Variants in PCDHGA6 observed in about 807,000 individuals in gnomAD.
PCDHGA6 encodes protocadherin gamma subfamily A, 6, also known as protocadherin gamma-A6.
PCDHGA6 carries 41 observed loss-of-function variants against 60.6 expected under a neutral mutation model. The observed-to-expected ratio is 0.68, with a 90% CI of 0.53 to 0.88. The LOEUF (loss-of-function observed/expected upper bound fraction) is 0.88, where lower values mean the gene tolerates loss of function less well. Among genes scored for constraint, PCDHGA6 ranks in the 40% least tolerant of loss-of-function variants. The probability of loss-of-function intolerance (pLI) is 0.00; values close to 1 mark genes in which losing one functional copy is unlikely to be tolerated. For missense variants in PCDHGA6, 1,312 were observed against 1,203.0 expected (o/e 1.09, Z -1.34); for synonymous variants, 594 against 524.4 (o/e 1.13, Z -1.81).
intron 1 of PCDHGA6, chr5:141,382,974 A>G: frequency 6.2e-7 from 1 of 1,610,398 alleles, no homozygotes; most frequent in Non-Finnish European, 8.5e-7. Flanking sequence ...CCCCCTGGGA[A>G]GCCTGGGCAG....
In PCDHGA6 at chr5:141,476,466, A is replaced by C. The variant is rs771760524; in HGVS notation, c.2425-18341A>C. The C allele has an allele frequency of 6.2e-7, 1 of 1,613,996 alleles. No individual in the cohort carries two copies. Reference sequence around the variant, plus strand: ...GAGTTGGTAGTGGAGAACCCGCTGGAGCTGTTCAGCGTGGAAGTGGTGATC... The same window carrying C: ...GAGTTGGTAGTGGAGAACCCGCTGGCGCTGTTCAGCGTGGAAGTGGTGATC... On this transcript the variant is annotated intron_variant, in intron 1 of 3. Transcript: ENST00000517434. This position sits in a 1 kb window ranked among gnomAD's most constrained non-coding sequence, Gnocchi z 7.6.
chr5:141,501,030 A>G (rs2099805050), intron 2 of PCDHGA6, among the ~76,000 whole-genome samples: 1 of 151,848 alleles, frequency 6.6e-6, no homozygotes, highest in Admixed American at 6.6e-5. Flanking sequence ...CACCACGCCC[A>G]GCTAATTTTT....
At chr5:141,503,814 T>C (rs539980053) in intron 2 of PCDHGA6, among the ~76,000 whole-genome samples, 2 of 152,100 alleles carry the variant, frequency 1.3e-5, no homozygotes, top group East Asian at 3.9e-4. Flanking sequence ...GAATCCCAGA[T>C]TGGGCAAAAC....
At position 141,422,119 on chromosome 5, in the gene PCDHGA6, C is replaced by T. The variant is rs778866054; in HGVS notation, c.2424+45612C>T. 26 of 1,603,658 alleles carry T rather than the reference C, an allele frequency of 1.6e-5. No homozygotes were observed. In the Admixed American group the frequency reaches 4.2e-4, roughly 26 times the overall value. ...TTCTGAAATATTCCAATTGGATTCA[C>T]AAACTGGAGAAGTTCAAGTACGGGG... On this transcript the variant is annotated intron_variant, in intron 1 of 3. Transcript: ENST00000517434.
rs546494803 is a variant in PCDHGA6 at position 141,425,207 on chromosome 5, G to C, written c.2424+48700G>C. Among the ~76,000 whole-genome samples, 7 of 152,120 alleles carry C rather than the reference G, an allele frequency of 4.6e-5. No homozygotes were observed. In the East Asian group the frequency reaches 1.2e-3, roughly 25 times the overall value. ...TCCAAACTGAGAAAAATGATGTAAG[G>C]CATTGTACTTTGACTGGAATTAGTT... On this transcript the variant is annotated intron_variant, in intron 1 of 3. Transcript: ENST00000517434.
chr5:141,476,744 C>A lies in PCDHGA6; in HGVS notation c.2425-18063C>A, dbSNP rs1168392300. ...CCTGGACCGAGAACGGGAGCCTAGT[C>A]TCCAGTTAGTGCTGACGGCGTTGGA... On this transcript the variant is annotated intron_variant, in intron 1 of 3. Coordinates refer to ENST00000517434, the MANE Select transcript of PCDHGA6 (RefSeq NM_018919.3). The surrounding 1 kb of genome is among the most constrained non-coding windows in gnomAD (Gnocchi z 7.6). 1.2e-6 allele frequency: 2 copies of A among 1,614,046 alleles called. No individual in the cohort carries two copies. Among genetic ancestry groups the A allele is most frequent in the Admixed American group, 3.3e-5 (2 of 60,034 alleles).
At position 141,374,269 on chromosome 5, in the gene PCDHGA6, C is replaced by T. The variant is rs372510702; in HGVS notation, c.186C>T (p.His62=). The part of the protein sequence containing the change: ...LGLEPQELAE[H]GVRIVSRGRM... The stretch of plus-strand genomic sequence containing the variant: ...TGGAGCCCCAGGAGTTGGCGGAGCA[C>T]GGAGTCCGCATCGTCTCCAGAGGTA... Residue 62 remains histidine (H), a synonymous_variant, in exon 1 of 4, where the codon CAC becomes CAT. Transcript: ENST00000517434. 9.5e-5 allele frequency: 154 copies of T among 1,614,002 alleles called. No homozygotes were observed. In the African/African-American group the frequency reaches 1.8e-3, roughly 19 times the overall value.
intron 1 of PCDHGA6, chr5:141,441,621 G>T: frequency 4.5e-6 from 1 of 223,408 alleles, no homozygotes; most frequent in South Asian, 5.2e-5. Context: ...CGTGGCCAGT[G>T]ACCTGGAGCC....
At chr5:141,445,781 G>A (rs1424622281) in intron 1 of PCDHGA6, among the ~76,000 whole-genome samples, 25 of 152,112 alleles carry the variant, frequency 1.6e-4, no homozygotes, top group Admixed American at 1.6e-3. Flanking sequence ...AAAGGGCTAG[G>A]GAGGCTAGAA....
chr5:141,498,254 G>A (rs550611179), intron 2 of PCDHGA6, among the ~76,000 whole-genome samples: 2 of 152,338 alleles, frequency 1.3e-5, no homozygotes, highest in East Asian at 3.9e-4. Context: ...AGCAGGGCTG[G>A]TGTTGAGTTC....
intron 1 of PCDHGA6, chr5:141,422,851 C>A (rs1459531183): frequency 1.2e-6 from 2 of 1,614,122 alleles, no homozygotes; most frequent in African/African-American, 1.3e-5. Flanking sequence ...CGGGGACCCG[C>A]CCCTCAGCAG....
At position 141,384,979 on chromosome 5, in the gene PCDHGA6, G is replaced by C. The variant is rs758247749; in HGVS notation, c.2424+8472G>C. 1.4e-4 allele frequency: 229 copies of C among 1,614,146 alleles called. 1 individual carries two copies. The highest frequency in any genetic ancestry group is 1.5e-5 in the Non-Finnish European group (18 of 1,180,036). On this transcript the variant is annotated intron_variant, in intron 1 of 3. Coordinates refer to ENST00000517434, the MANE Select transcript of PCDHGA6 (RefSeq NM_018919.3). ...CAACTATGACCTCACGTTGTACCTG[G>C]TGGTGGCGGTGGCCACAGTCTCCTG...
chr5:141,425,426 A>T (rs1227154364), intron 1 of PCDHGA6, among the ~76,000 whole-genome samples: 1 of 152,236 alleles, frequency 6.6e-6, no homozygotes, highest in African/African-American at 2.4e-5. Flanking sequence ...AGTCCCATTA[A>T]ATAGAGGATA....
intron 1 of PCDHGA6, chr5:141,412,854 A>G (rs1356959630): frequency 4.5e-6 from 1 of 223,412 alleles, no homozygotes; most frequent in South Asian, 1.8e-4. Context: ...GAGAAACCAA[A>G]GAATCTATGT....
chr5:141,404,132 T>C, intron 1 of PCDHGA6: 1 of 1,613,136 alleles, frequency 6.2e-7, no homozygotes, highest in Non-Finnish European at 8.5e-7. Context: ...ATCTTTTACA[T>C]TAGAAAATTC....
intron 3 of PCDHGA6, 79 bp downstream of exon 3, chr5:141,505,560 G>A: frequency 6.2e-7 from 1 of 1,604,768 alleles, no homozygotes; most frequent in South Asian, 1.1e-5. Context: ...CATGCCCACG[G>A]ACTGGATGTC....
chr5:141,457,058 T>A (rs756862311), intron 1 of PCDHGA6, among the ~76,000 whole-genome samples: 2 of 152,230 alleles, frequency 1.3e-5, no homozygotes, highest in Non-Finnish European at 2.9e-5. Flanking sequence ...TCATGCTTCC[T>A]TTTTGCCAGT....
chr5:141,384,652 G>T (rs372721131), intron 1 of PCDHGA6: 1 of 1,614,228 alleles, frequency 6.2e-7, no homozygotes, highest in South Asian at 1.1e-5. Context: ...CGCAGAGCCC[G>T]GCTACCTGGT....
chr5:141,439,458 C>T (rs2098114160), intron 1 of PCDHGA6, among the ~76,000 whole-genome samples: 1 of 152,214 alleles, frequency 6.6e-6, no homozygotes, highest in East Asian at 1.9e-4. Flanking sequence ...AGCAAGACTG[C>T]ACTGCTGCCT....
Sources: gnomAD v4.1 joint callset for allele counts (sites outside exome capture counted in the v4.1 genomes callset) on GRCh38, gnomAD v4.1.1 for gene constraint, Gnocchi (gnomAD v3.1) non-coding constraint, MANE v1.5 for transcripts, NCBI Gene and HGNC (gene_info 2026-07-23, HGNC 2026-07-21) for gene names.